BCL11A: variants seen among roughly 807,000 people sequenced by gnomAD.
The protein encoded by BCL11A is BCL11 transcription factor A.
BCL11A carries 2 observed loss-of-function variants against 55.9 expected under a neutral mutation model. The ratio of observed to expected loss-of-function variants is 0.04; its 90% CI spans 0.01 to 0.11. The LOEUF (loss-of-function observed/expected upper bound fraction) is 0.11. Ranked by LOEUF, BCL11A falls within the 10% of genes least tolerant of loss-of-function variation. BCL11A has a pLI of 1.00. For missense variants in BCL11A, 817 were observed against 1,137.1 expected, an observed-to-expected ratio of 0.72 and a Z score of 4.05; for synonymous variants, 465 against 473.4, an observed-to-expected ratio of 0.98 and a Z score of 0.23.
intron 2 of BCL11A, chr2:60,535,750 T>C (rs1669640383): frequency 6.6e-6 from 1 of 152,290 alleles, no homozygotes; most frequent in Admixed American, 6.5e-5. Flanking sequence ...TTTGCCTTTC[T>C]GATTTCCTCC....
intron 2 of BCL11A, among the ~76,000 whole-genome samples, chr2:60,493,446 CA>C (rs2104334749): frequency 6.6e-6 from 1 of 152,212 alleles, no homozygotes; most frequent in South Asian, 2.1e-4. Context: ...AGTTCAACTC[CA>C]AACCCTATAT....
chr2:60,465,781 A>G (rs1227134138), intron 3 of BCL11A, among the ~76,000 whole-genome samples: 1 of 152,246 alleles, frequency 6.6e-6, no homozygotes, highest in Non-Finnish European at 1.5e-5. Flanking sequence ...GTAAACTATC[A>G]GGTCGAATGT....
chr2:60,482,055 T>C (rs1018670058), intron 2 of BCL11A, among the ~76,000 whole-genome samples: 1 of 152,162 alleles, frequency 6.6e-6, no homozygotes, highest in Admixed American at 6.5e-5. Flanking sequence ...TAACATCCAG[T>C]TCATCAAGGT....
intron 2 of BCL11A, among the ~76,000 whole-genome samples, chr2:60,485,730 A>G (rs1483828754): frequency 6.6e-6 from 1 of 152,146 alleles, no homozygotes; most frequent in Admixed American, 6.5e-5. Flanking sequence ...ACTGTCAAAC[A>G]CAGTCTATAA....
chr2:60,513,350 C>T (rs1668572518), intron 2 of BCL11A, among the ~76,000 whole-genome samples: 1 of 152,158 alleles, frequency 6.6e-6, no homozygotes, highest in African/African-American at 2.4e-5. Flanking sequence ...GAAGGAGTCC[C>T]TGCTCCCTCA....
chr2:60,507,883 A>C (rs1310756243), intron 2 of BCL11A, among the ~76,000 whole-genome samples: 1 of 152,202 alleles, frequency 6.6e-6, no homozygotes, highest in East Asian at 1.9e-4. Flanking sequence ...ACTATGGGAT[A>C]ATTACTATGG....
intron 2 of BCL11A, among the ~76,000 whole-genome samples, chr2:60,524,044 G>A (rs1045560550): frequency 2.0e-5 from 3 of 152,114 alleles, no homozygotes; most frequent in African/African-American, 4.8e-5. Context: ...GAGAGACTCC[G>A]GACCACAGGA....
intron 1 of BCL11A, chr2:60,550,960 G>A: frequency 3.0e-6 from 1 of 333,326 alleles, no homozygotes; most frequent in Admixed American, 4.9e-5. Flanking sequence ...AGCGGCGAGG[G>A]AGGGATGCGA....
chr2:60,469,210 G>A (rs950753037), intron 2 of BCL11A, among the ~76,000 whole-genome samples: 2 of 152,226 alleles, frequency 1.3e-5, no homozygotes, highest in African/African-American at 4.8e-5. Flanking sequence ...GATTTTATCT[G>A]CAAGGCTGGT....
At chr2:60,467,728 G>A (rs969704648) in intron 3 of BCL11A, among the ~76,000 whole-genome samples, 34 of 99,980 alleles carry the variant, frequency 3.4e-4, no homozygotes, top group Non-Finnish European at 5.1e-4. Context: ...TACTGGTGGT[G>A]ATGGTGGTGG....
At chr2:60,456,452 C>T (rs1300066480), downstream of BCL11A, among the ~76,000 whole-genome samples, 1 of 152,172 alleles carries the variant, frequency 6.6e-6, no homozygotes, top group Non-Finnish European at 1.5e-5. Context: ...CAGGAAGACC[C>T]TATCAAAACA....
At chr2:60,488,736 TTTTG>T (rs45517431) in intron 2 of BCL11A, among the ~76,000 whole-genome samples, 2,136 of 151,892 alleles carry the variant, frequency 0.014, 60 homozygotes, top group African/African-American at 0.045. Flanking sequence ...CCCAAAACGA[TTTTG>T]TTTGTTTGTT....
chr2:60,495,057 C>G (rs1267907030), intron 2 of BCL11A, among the ~76,000 whole-genome samples: 1 of 152,136 alleles, frequency 6.6e-6, no homozygotes, highest in Non-Finnish European at 1.5e-5. Flanking sequence ...GAAGCTTCAC[C>G]TCCTTTACAA....
At chr2:60,524,531 A>G (rs1669126752) in intron 2 of BCL11A, 2 of 148,784 alleles carry the variant, frequency 1.3e-5, no homozygotes, top group African/African-American at 5.1e-5. Context: ...ATAGAAGAGC[A>G]TGCAAAATCA....
At chr2:60,479,410 A>T (rs1218675020) in intron 2 of BCL11A, among the ~76,000 whole-genome samples, 1 of 152,248 alleles carries the variant, frequency 6.6e-6, no homozygotes, top group Non-Finnish European at 1.5e-5. Flanking sequence ...ACGCAGTCCC[A>T]ACCATGAGGC....
chr2:60,478,214 C>T, intron 2 of BCL11A: 1 of 152,472 alleles, frequency 6.6e-6, no homozygotes, highest in Non-Finnish European at 1.5e-5. Context: ...AAAGTACTCT[C>T]CTCACATCCT....
intron 2 of BCL11A, among the ~76,000 whole-genome samples, chr2:60,471,974 G>T (rs1677227294): frequency 6.6e-6 from 1 of 152,228 alleles, no homozygotes; most frequent in Non-Finnish European, 1.5e-5. Context: ...GGTAAGGGAA[G>T]TATGAACGCT....
Position 60,461,442 on chromosome 2 carries a change from G to T in BCL11A, c.1470C>A (p.Asp490Glu). Reference protein sequence around the residue: ...PENGDEEEEEDDEEEEEEEEE... With the variant: ...PENGDEEEEEEDEEEEEEEEE... ...CCTCCTCTTCTTCCTCTTCCTCGTC[G>T]TCCTCCTCTTCCTCCTCGTCCCCGT... is the stretch of plus-strand genomic sequence containing the variant. The change falls in exon 4 of 4, where the codon GAC (aspartate) becomes GAA (glutamate). Residue 490 changes from aspartate (D) to glutamate (E), a missense_variant. Physicochemically the swap from Asp to Glu is conservative, Grantham distance 45. This residue lies in a region of BCL11A where 379 missense variants were observed against 425.3 expected (regional missense o/e 0.89). Coordinates refer to ENST00000642384, the MANE Select transcript of BCL11A (RefSeq NM_022893.4). 2 of 1,603,774 alleles carry T rather than the reference G, an allele frequency of 1.2e-6. No homozygotes were observed. The highest frequency in any genetic ancestry group is 8.5e-7 in the Non-Finnish European group (1 of 1,178,868).
intron 3 of BCL11A, among the ~76,000 whole-genome samples, chr2:60,466,260 G>T (rs534634425): frequency 4.1e-4 from 63 of 151,868 alleles, no homozygotes; most frequent in African/African-American, 1.5e-3. Flanking sequence ...ATGTTTCCCT[G>T]GCAACAGCCC....
Sources: allele counts gnomAD v4.1 joint callset (sites outside exome capture counted in the v4.1 genomes callset), GRCh38; gene constraint gnomAD v4.1.1; regional missense constraint gnomAD v4.1.1; transcripts MANE v1.5; gene names NCBI Gene and HGNC (gene_info 2026-07-23, HGNC 2026-07-21).